The following TMEM132C variants were observed in gnomAD, a reference collection of about 807,000 sequenced individuals.
TMEM132C encodes the protein protein phosphatase 1, regulatory subunit 152.
Under a neutral mutation model 61.4 loss-of-function variants are expected in TMEM132C, and 29 were observed. The observed-to-expected ratio is 0.47, with a 90% confidence interval of 0.35 to 0.64. The LOEUF is 0.64. Ranked by LOEUF, TMEM132C falls within the 30% of genes least tolerant of loss-of-function variation. The pLI is 0.00. For synonymous variants in TMEM132C, 656 were observed against 633.1 expected (o/e 1.04, Z -0.54); for missense variants, 1,408 against 1,476.9 (o/e 0.95, Z 0.76).
chr12:128,366,174 G>A (rs1028560326), intron 1 of TMEM132C, among the ~76,000 whole-genome samples: 7 of 152,210 alleles, frequency 4.6e-5, no homozygotes, highest in Non-Finnish European at 7.3e-5. Context: ...GGTGCTGTGC[G>A]TCGCTGCCTG....
chr12:128,587,999 A>C (rs10773557), intron 3 of TMEM132C, among the ~76,000 whole-genome samples: 86,418 of 152,072 alleles, frequency 0.57, 25,814 homozygotes, highest in East Asian at 0.82. Flanking sequence ...ATAGCACTCA[A>C]TCCGGGTCAG....
chr12:128,329,164 T>A (rs1268697833), intron 1 of TMEM132C, among the ~76,000 whole-genome samples: 1 of 152,184 alleles, frequency 6.6e-6, no homozygotes, highest in East Asian at 1.9e-4. Context: ...GCATTTCTAT[T>A]TGTTTCATCT....
intron 3 of TMEM132C, among the ~76,000 whole-genome samples, chr12:128,549,517 C>A (rs1252048389): frequency 6.6e-6 from 1 of 152,102 alleles, no homozygotes; most frequent in African/African-American, 2.4e-5. Context: ...TTCCCATGTT[C>A]GTTTCTTCAA....
intron 4 of TMEM132C, among the ~76,000 whole-genome samples, chr12:128,663,135 A>G (rs944784361): frequency 1.4e-4 from 22 of 152,236 alleles, no homozygotes; most frequent in Non-Finnish European, 2.5e-4. Context: ...TTTAAAATAT[A>G]CAGGTCAGTG....
intron 1 of TMEM132C, among the ~76,000 whole-genome samples, chr12:128,364,315 TCCCCTCCCCG>T (rs1358670812): frequency 3.0e-5 from 2 of 65,584 alleles, no homozygotes; most frequent in African/African-American, 1.2e-4. Flanking sequence ...CTCCCCCTCC[TCCCCTCCCCG>T]CCCCCGCATC....
rs546989434 is a variant in TMEM132C, at chr12:128,504,069, T to C, written c.975-39888T>C. On this transcript the variant is annotated intron_variant, in intron 2 of 8. Transcript: ENST00000435159. ...CCCCCTCTCCCTCCCTCTCACGTCA[T>C]CTCAGGGCCCATCCAGGTGGTGGCT... Among the ~76,000 whole-genome samples, 21 of 152,250 alleles carry C rather than the reference T, an allele frequency of 1.4e-4. No homozygotes were observed. The East Asian group carries it at 3.9e-3, about 28-fold the overall frequency.
At chr12:128,582,727 C>T (rs1875392956) in intron 3 of TMEM132C, among the ~76,000 whole-genome samples, 1 of 152,134 alleles carries the variant, frequency 6.6e-6, no homozygotes, top group Non-Finnish European at 1.5e-5. Flanking sequence ...CCTCCCTAGC[C>T]ATCTGGAACT....
intron 1 of TMEM132C, among the ~76,000 whole-genome samples, chr12:128,307,916 CCTGA>C (rs1176959618): frequency 2.0e-5 from 3 of 152,218 alleles, no homozygotes; most frequent in African/African-American, 7.2e-5. Flanking sequence ...GCTGCCCCTC[CCTGA>C]CTGTCAGTCC....
chr12:128,560,477 C>A (rs955573065), intron 3 of TMEM132C, among the ~76,000 whole-genome samples: 1 of 152,156 alleles, frequency 6.6e-6, no homozygotes, highest in African/African-American at 2.4e-5. Context: ...TCTGCCATTC[C>A]CTCTGATTGG....
intron 1 of TMEM132C, among the ~76,000 whole-genome samples, chr12:128,283,414 G>A (rs1396964616): frequency 3.9e-5 from 6 of 152,090 alleles, no homozygotes; most frequent in Non-Finnish European, 8.8e-5. Context: ...TGACTAATGG[G>A]GTGCTCTAGT....
At chr12:128,606,924 A>C (rs957870077) in intron 3 of TMEM132C, among the ~76,000 whole-genome samples, 1 of 152,208 alleles carries the variant, frequency 6.6e-6, no homozygotes, top group Non-Finnish European at 1.5e-5. Context: ...CCAGTAAACA[A>C]AGCAAGTTTT....
chr12:128,477,459 C>T (rs2136087659), intron 2 of TMEM132C, among the ~76,000 whole-genome samples: 1 of 152,260 alleles, frequency 6.6e-6, no homozygotes, highest in South Asian at 2.1e-4. Context: ...AATTGGACAC[C>T]ACCTCCACCA....
At chr12:128,510,268 T>A (rs891272119) in intron 2 of TMEM132C, among the ~76,000 whole-genome samples, 1 of 152,142 alleles carries the variant, frequency 6.6e-6, no homozygotes, top group African/African-American at 2.4e-5. Context: ...TGTTGGTGGA[T>A]CCCGAAAGCA....
chr12:128,679,923 G>T (rs1204211265), intron 5 of TMEM132C, among the ~76,000 whole-genome samples: 2 of 152,150 alleles, frequency 1.3e-5, no homozygotes, highest in Non-Finnish European at 2.9e-5. Flanking sequence ...TGGGGAGGTA[G>T]CATTTGAGCT....
chr12:128,604,604 G>A (rs142262251), intron 3 of TMEM132C, among the ~76,000 whole-genome samples: 1 of 151,942 alleles, frequency 6.6e-6, no homozygotes, highest in Non-Finnish European at 1.5e-5. Context: ...GGGATAGATG[G>A]CTAGATAGAT....
intron 4 of TMEM132C, among the ~76,000 whole-genome samples, chr12:128,633,920 T>C (rs1195726175): frequency 6.6e-6 from 1 of 152,256 alleles, no homozygotes; most frequent in African/African-American, 2.4e-5. Flanking sequence ...GATGTCAAGC[T>C]AACTGCAGCT....
intron 1 of TMEM132C, among the ~76,000 whole-genome samples, chr12:128,282,482 C>T (rs376686268): frequency 4.6e-5 from 7 of 152,182 alleles, no homozygotes; most frequent in African/African-American, 1.7e-4. Flanking sequence ...CTTATAAAAC[C>T]GTCAGATCTT....
chr12:128,625,405 G>A (rs190428926), intron 4 of TMEM132C, among the ~76,000 whole-genome samples: 4 of 152,198 alleles, frequency 2.6e-5, no homozygotes, highest in African/African-American at 9.6e-5. Context: ...TCTTTTATAA[G>A]GACACTGTAT....
rs776505881 is a variant in TMEM132C at position 128,693,940 on chromosome 12, G to A, written c.1561G>A (p.Val521Met). 4.8e-5 allele frequency: 75 copies of A among 1,551,658 alleles called. No individual in the cohort carries two copies. The highest frequency in any genetic ancestry group is 5.4e-5 in the Non-Finnish European group (62 of 1,147,032). The change falls in exon 6 of 9, where the codon GTG (valine) becomes ATG (methionine). Residue 521 changes from valine to methionine, a missense_variant. By Grantham distance (21) the Val-to-Met change is conservative. Coordinates refer to ENST00000435159, the MANE Select transcript of TMEM132C (RefSeq NM_001136103.3). ...CCTGAGCGCCCCCCTGTGTGTCACC[G>A]TGTGGGTGCCCCGGCTGCCCCTGCA... is the stretch of plus-strand genomic sequence containing the variant. ...QYLSAPLCVT[V>M]WVPRLPLQIE...
Sources: gnomAD v4.1 joint callset for allele counts (sites outside exome capture counted in the v4.1 genomes callset) on GRCh38, gnomAD v4.1.1 for gene constraint, MANE v1.5 for transcripts, NCBI Gene and HGNC (gene_info 2026-07-23, HGNC 2026-07-21) for gene names.